ZNF254: variants seen among roughly 807,000 people sequenced by gnomAD.
The protein encoded by ZNF254 is CTD-2017D11.1.
ZNF254 carries 10 observed loss-of-function variants against 12.4 expected under a neutral mutation model. The ratio of observed to expected loss-of-function variants is 0.80; its 90% CI spans 0.50 to 1.36. The LOEUF (loss-of-function observed/expected upper bound fraction) is 1.36. Among genes scored for constraint, ZNF254 ranks in the 40% most tolerant of loss-of-function variants. The probability of loss-of-function intolerance (pLI) is 0.00; values close to 1 mark genes in which losing one functional copy is unlikely to be tolerated. For missense variants in ZNF254, 996 were observed against 763.9 expected, an observed-to-expected ratio of 1.30 and a Z score of -3.58; for synonymous variants, 305 against 253.4, an observed-to-expected ratio of 1.20 and a Z score of -1.93.
intron 1 of ZNF254, among the ~76,000 whole-genome samples, chr19:24,040,390 A>G (rs1970112199): frequency 6.6e-6 from 1 of 152,230 alleles, no homozygotes; most frequent in African/African-American, 2.4e-5. Context: ...ACCAGTGCTT[A>G]CATTTTACAC....
chr19:24,058,859 A>G (rs1970964156), intron 2 of ZNF254, among the ~76,000 whole-genome samples: 1 of 152,208 alleles, frequency 6.6e-6, no homozygotes, highest in Non-Finnish European at 1.5e-5. Flanking sequence ...CAGAAAATGT[A>G]ACTCCCTTAT....
intron 2 of ZNF254, among the ~76,000 whole-genome samples, chr19:24,074,286 C>G (rs1185444404): frequency 1.3e-5 from 2 of 152,150 alleles, no homozygotes; most frequent in Non-Finnish European, 2.9e-5. Context: ...GGCCCAGCAT[C>G]GAGCTGAAGT....
chr19:24,060,868 C>T (rs1036625247), intron 2 of ZNF254, among the ~76,000 whole-genome samples: 2 of 152,142 alleles, frequency 1.3e-5, no homozygotes, highest in Non-Finnish European at 2.9e-5. Flanking sequence ...TTACTCAGCA[C>T]CTTGATTATG....
chr19:24,053,994 C>T (rs185487461), intron 2 of ZNF254, among the ~76,000 whole-genome samples: 18 of 152,268 alleles, frequency 1.2e-4, no homozygotes, highest in Admixed American at 9.1e-4. Flanking sequence ...CATATATCTG[C>T]GTCCATGACC....
At chr19:24,106,167 A>G in intron 2 of ZNF254, 101 bp downstream of exon 2, 1 of 1,401,990 alleles carries the variant, frequency 7.1e-7, no homozygotes, top group African/African-American at 1.5e-5. Flanking sequence ...TCTGTTTTCA[A>G]GAAAATACTG....
Position 24,129,823 on chromosome 19 carries a change from G to A in ZNF254, c.*1843G>A, listed in dbSNP as rs142908917. 6.6e-6 allele frequency: 1 copy of A among 151,790 alleles called. No individual in the cohort carries two copies. The highest frequency in any genetic ancestry group is 1.9e-4 in the East Asian group (1 of 5,170). 9.4% of individuals were successfully genotyped at this position (151,790 alleles called of 1,614,324 possible). Reference sequence around the variant, plus strand: ...ACGTGTAAAATCTATACATTTCTGAGTTCTGAATAAATATTTTTAAAAATT... The same window carrying A: ...ACGTGTAAAATCTATACATTTCTGAATTCTGAATAAATATTTTTAAAAATT... On this transcript the variant is annotated 3_prime_UTR_variant, in exon 4 of 4. Coordinates refer to ENST00000357002, the MANE Select transcript of ZNF254 (RefSeq NM_203282.4).
rs181072318 is a variant in ZNF254, at chr19:24,040,528, A to G, written c.-189-5656A>G. 3.3e-5 allele frequency among the ~76,000 whole-genome samples: 5 copies of G among 152,250 alleles called. No individual in the cohort carries two copies. The East Asian group carries it at 7.7e-4, about 24-fold the overall frequency. On this transcript the variant is annotated intron_variant, in intron 1 of 4. Coordinates refer to the ZNF254 transcript ENST00000613065. The stretch of plus-strand genomic sequence containing the variant: ...TTCTATATCCCTCCCATCTGTCTGT[A>G]TTTAGCTTTTATAGTGATAGGGAAA...
At chr19:24,084,927 AC>A (rs1045091138), upstream of ZNF254, among the ~76,000 whole-genome samples, 3 of 131,614 alleles carry the variant, frequency 2.3e-5, no homozygotes, top group African/African-American at 9.0e-5. Flanking sequence ...ATGAGTGACC[AC>A]AATCTTTTTT....
chr19:24,052,045 G>A (rs1037083154), intron 2 of ZNF254, among the ~76,000 whole-genome samples: 2 of 152,186 alleles, frequency 1.3e-5, no homozygotes, highest in Non-Finnish European at 2.9e-5. Flanking sequence ...TATAGGTGAT[G>A]TGACTCTCTT....
chr19:24,088,341 T>G (rs1397167025), intron 1 of ZNF254, among the ~76,000 whole-genome samples: 3 of 152,022 alleles, frequency 2.0e-5, no homozygotes, highest in Non-Finnish European at 4.4e-5. Flanking sequence ...TGCTCTTGAG[T>G]TTAGATTTTT....
rs1004022501 is a variant in ZNF254 at position 24,117,363 on chromosome 19, G to A, written c.254-8891G>A. ...GGGCTCCACCCAGTTTGAGCTTCCC[G>A]GCTGCTTTGTTTACCTAAGGAAGCC... is the stretch of plus-strand genomic sequence containing the variant. On this transcript the variant is annotated intron_variant, in intron 3 of 3. Coordinates refer to ENST00000357002, the MANE Select transcript of ZNF254 (RefSeq NM_203282.4). Among the ~76,000 whole-genome samples, 6 of 152,144 alleles carry A rather than the reference G, an allele frequency of 3.9e-5. No homozygotes were observed. The South Asian group carries it at 8.3e-4, about 21-fold the overall frequency.
At chr19:24,047,935 C>G (rs560361414) in intron 2 of ZNF254, among the ~76,000 whole-genome samples, 2 of 150,896 alleles carry the variant, frequency 1.3e-5, no homozygotes, top group African/African-American at 4.9e-5. Context: ...GATCTGCCCA[C>G]CTTAGCCTCC....
chr19:24,059,338 T>C (rs1318582582), intron 2 of ZNF254, among the ~76,000 whole-genome samples: 2 of 152,140 alleles, frequency 1.3e-5, no homozygotes, highest in Non-Finnish European at 2.9e-5. Context: ...GATTGTGATA[T>C]ATTGTGTGGC....
At chr19:24,098,072 TGTA>T (rs1043786207) in intron 1 of ZNF254, among the ~76,000 whole-genome samples, 4 of 152,146 alleles carry the variant, frequency 2.6e-5, no homozygotes, top group Admixed American at 6.5e-5. Context: ...ACTTTTGAAA[TGTA>T]GTTTTTGAGC....
intron 3 of ZNF254, among the ~76,000 whole-genome samples, chr19:24,119,287 G>C (rs1240187566): frequency 1.3e-5 from 2 of 151,854 alleles, no homozygotes; most frequent in Non-Finnish European, 2.9e-5. Flanking sequence ...TGCCTCCTAG[G>C]TTCAAGCGAT....
At chr19:24,115,191 C>G (rs10407703) in intron 3 of ZNF254, among the ~76,000 whole-genome samples, 2,742 of 152,028 alleles carry the variant, frequency 0.018, 114 homozygotes, top group African/African-American at 0.063. Context: ...ACCCAAAGGA[C>G]TATAAATCAT....
At chr19:24,119,324 TG>T (rs1396570777) in intron 3 of ZNF254, among the ~76,000 whole-genome samples, 2 of 151,940 alleles carry the variant, frequency 1.3e-5, no homozygotes, top group Non-Finnish European at 2.9e-5. Flanking sequence ...CCCAAGCAGC[TG>T]GGACTACAGG....
At chr19:24,113,091 C>G (rs558989609) in intron 3 of ZNF254, among the ~76,000 whole-genome samples, 46 of 152,298 alleles carry the variant, frequency 3.0e-4, no homozygotes, top group African/African-American at 1.0e-3. Context: ...CAGCCAAATT[C>G]TACCAGAGGT....
rs551942160 is a variant in ZNF254 at position 24,121,421 on chromosome 19, A to G, written c.254-4833A>G. ...GATATTTGTGTTTTGATTTTTTAGTATATATCATAATTGTGCATGACAATA... is the reference window on the plus strand; with the variant it reads ...GATATTTGTGTTTTGATTTTTTAGTGTATATCATAATTGTGCATGACAATA... On this transcript the variant is annotated intron_variant, in intron 3 of 3. Transcript: ENST00000357002. Among the ~76,000 whole-genome samples, 37 of 152,252 alleles carry G rather than the reference A, an allele frequency of 2.4e-4. 1 individual carries two copies. In the South Asian group the frequency reaches 7.0e-3, roughly 29 times the overall value.
Sources: gnomAD v4.1 joint callset for allele counts (sites outside exome capture counted in the v4.1 genomes callset) on GRCh38, gnomAD v4.1.1 for gene constraint, MANE v1.5 for transcripts, NCBI Gene and HGNC (gene_info 2026-07-23, HGNC 2026-07-21) for gene names.